Variants in FLT3LG observed in about 807,000 individuals in gnomAD.
FLT3LG encodes the protein fms-related tyrosine kinase 3 ligand.
A neutral mutation model predicts 30.9 loss-of-function variants in FLT3LG; 8 were observed. The ratio of observed to expected loss-of-function variants is 0.26; its 90% CI spans 0.15 to 0.47. The LOEUF is 0.47. Ranked by LOEUF, FLT3LG falls within the 20% of genes least tolerant of loss-of-function variation. FLT3LG has a pLI of 0.99. For missense variants in FLT3LG, 278 were observed against 306.2 expected, an observed-to-expected ratio of 0.91 and a Z score of 0.69; for synonymous variants, 123 against 135.9, an observed-to-expected ratio of 0.91 and a Z score of 0.66.
At chr19:49,484,538 C>A (rs910498540) in intron 8 of FLT3LG, among the ~76,000 whole-genome samples, 4 of 151,818 alleles carry the variant, frequency 2.6e-5, no homozygotes, top group Non-Finnish European at 4.4e-5. Context: ...ACTCTATTGC[C>A]CAGGCTGGAG....
At chr19:49,479,498 C>CTTTT (rs1177717575) in intron 6 of FLT3LG, among the ~76,000 whole-genome samples, 11 of 96,052 alleles carry the variant, frequency 1.1e-4, no homozygotes, top group Admixed American at 2.2e-4. Context: ...CCCAGCCTAC[C>CTTTT]TTTTTTTTTT....
chr19:49,479,251 GT>G (rs1392028748), intron 6 of FLT3LG, among the ~76,000 whole-genome samples: 37 of 149,234 alleles, frequency 2.5e-4, no homozygotes, highest in African/African-American at 9.0e-4. Flanking sequence ...CTGGAGTGCA[GT>G]GGCGTGATCT....
At position 49,476,270 on chromosome 19, in the gene FLT3LG, G is replaced by A; in HGVS notation, c.198+72G>A. ...CTCAAGATGCTCCACCGAGGCGAGT[G>A]GATAACCAGGCCCTCCCCTCCCCAA... On this transcript the variant is annotated intron_variant, in intron 4 of 8. Transcript: ENST00000597551. The surrounding 1 kb of genome is among the most constrained non-coding windows in gnomAD (Gnocchi z 5.3). 2 of 1,461,550 alleles carry A rather than the reference G, an allele frequency of 1.4e-6. No homozygotes were observed. The highest frequency in any genetic ancestry group is 1.9e-6 in the Non-Finnish European group (2 of 1,048,142). The allele number at this position is 1,461,550 out of a possible 1,614,324, so 90.5% of individuals were successfully genotyped here. A position where few individuals can be genotyped will look rare whatever the true frequency, so the allele number is the denominator to read the frequency against.
At chr19:49,480,096 G>A (rs572496711) in intron 6 of FLT3LG, among the ~76,000 whole-genome samples, 2 of 152,282 alleles carry the variant, frequency 1.3e-5, no homozygotes, top group African/African-American at 4.8e-5. Context: ...GAGCCACCGC[G>A]CTCAGCCTAT....
chr19:49,483,977 C>T (rs946526917), intron 8 of FLT3LG, among the ~76,000 whole-genome samples: 10 of 151,232 alleles, frequency 6.6e-5, no homozygotes, highest in South Asian at 4.2e-4. Flanking sequence ...CTCCGCCTCC[C>T]GGGTTCAAGT....
chr19:49,475,667 C>A, intron 2 of FLT3LG, 24 bp from the exon 3 acceptor site: 1 of 1,598,956 alleles, frequency 6.3e-7, no homozygotes, highest in Non-Finnish European at 8.5e-7. Context: ...GCAGAGGGCT[C>A]CCCCAGCACC....
chr19:49,477,825 A>AG (rs1480571710), intron 5 of FLT3LG, among the ~76,000 whole-genome samples: 1 of 151,600 alleles, frequency 6.6e-6, no homozygotes, highest in East Asian at 2.0e-4. Context: ...AGGCGGGCAG[A>AG]TCACGAGGTC....
At chr19:49,477,089 C>G (rs1335663488) in intron 5 of FLT3LG, among the ~76,000 whole-genome samples, 1 of 152,032 alleles carries the variant, frequency 6.6e-6, no homozygotes, top group Non-Finnish European at 1.5e-5. Context: ...CATGCCACTG[C>G]ACTCCAGCCT....
Position 49,476,325 on chromosome 19 carries a change from T to A in FLT3LG, c.199-98T>A. 1 of 1,471,148 alleles carries A rather than the reference T, an allele frequency of 6.8e-7. No individual in the cohort carries two copies. The highest frequency in any genetic ancestry group is 9.4e-7 in the Non-Finnish European group (1 of 1,061,670). The allele number at this position is 1,471,148 out of a possible 1,614,324, so 91.1% of individuals were successfully genotyped here. ...AGGAATCAGAGTCCTCAGCCCCTCC[T>A]CCCTCAGACCCAGGAGCCCCGGCCC... On this transcript the variant is annotated intron_variant, in intron 4 of 8. Transcript: ENST00000597551. The surrounding 1 kb of genome is among the most constrained non-coding windows in gnomAD (Gnocchi z 5.3).
Position 49,476,524 on chromosome 19 carries a change from C to G in FLT3LG, c.300C>G (p.Arg100=), listed in dbSNP as rs777599465. Residue 100 remains arginine (R), a synonymous_variant, in exon 5 of 9, where the codon CGC becomes CGG. Transcript: ENST00000597551. The surrounding 1 kb of genome is among the most constrained non-coding windows in gnomAD (Gnocchi z 5.3). ...CCAAGATGCAAGGCTTGCTGGAGCG[C>G]GTGAACACGGAGATACACTTTGTCA... ...AGSKMQGLLE[R]VNTEIHFVTK... 10 of 1,614,182 alleles carry G rather than the reference C, an allele frequency of 6.2e-6. No homozygotes were observed. The African/African-American group carries it at 9.3e-5, about 15-fold the overall frequency.
intron 5 of FLT3LG, among the ~76,000 whole-genome samples, chr19:49,477,165 G>T (rs142186407): frequency 0.022 from 3,348 of 152,176 alleles, 129 homozygotes; most frequent in African/African-American, 0.076. Flanking sequence ...TGAGGGCTGG[G>T]TGCAGTGGCT....
At chr19:49,475,588 G>T in intron 2 of FLT3LG, 103 bp from the exon 3 acceptor site, 1 of 1,427,658 alleles carries the variant, frequency 7.0e-7, no homozygotes, top group East Asian at 2.5e-5. Context: ...GGACACCCAG[G>T]GAAGGAGGAG....
At chr19:49,478,242 C>T (rs528935508) in intron 5 of FLT3LG, among the ~76,000 whole-genome samples, 29 of 151,650 alleles carry the variant, frequency 1.9e-4, no homozygotes, top group Admixed American at 1.4e-3. Context: ...CCGAGGCGGG[C>T]GGATCACAAG....
At position 49,479,005 on chromosome 19, in the gene FLT3LG, C is replaced by A; in HGVS notation, c.439C>A (p.Arg147Ser). ...QLVALKPWITRQNFSRCLELQ... is the reference protein window; with the variant it reads ...QLVALKPWITSQNFSRCLELQ... ...GGTGGCGCTGAAGCCCTGGATCACT[C>A]GCCAGAACTTCTCCCGGTGCCTGGA... The change falls in exon 6 of 9, where the codon CGC becomes AGC. Residue 147 changes from arginine (R) to serine (S), a missense_variant. Around this residue, in one of 3 missense-constraint regions of FLT3LG, gnomAD observed 170 missense variants for 162.0 expected, o/e 1.05. Transcript: ENST00000597551. 6.2e-7 allele frequency: 1 copy of A among 1,607,210 alleles called. No homozygotes were observed. Among genetic ancestry groups the A allele is most frequent in the Non-Finnish European group, 8.5e-7 (1 of 1,176,930 alleles).
intron 8 of FLT3LG, among the ~76,000 whole-genome samples, chr19:49,483,727 CA>C (rs1555804994): frequency 6.6e-6 from 1 of 151,080 alleles, no homozygotes; most frequent in Non-Finnish European, 1.5e-5. Context: ...GTCTCAAAAA[CA>C]AAAAAACCAC....
intron 8 of FLT3LG, chr19:49,481,500 A>G (rs1426212911): frequency 1.3e-5 from 2 of 153,092 alleles, no homozygotes; most frequent in Non-Finnish European, 2.9e-5. Context: ...GCAAGGAGCC[A>G]TGGGAGGTGT....
chr19:49,476,058 T>A lies in FLT3LG; in HGVS notation c.145-87T>A. On this transcript the variant is annotated intron_variant, in intron 3 of 8. Transcript: ENST00000597551. The surrounding 1 kb of genome is among the most constrained non-coding windows in gnomAD (Gnocchi z 5.3). ...CCCCTCTCTTGGTCTTGTCCCTCTC[T>A]CTCTGGATCTCTGCTGCCACCTCTG... 1 of 1,453,484 alleles carries A rather than the reference T, an allele frequency of 6.9e-7. No homozygotes were observed. Among genetic ancestry groups the A allele is most frequent in the East Asian group, 2.3e-5 (1 of 44,134 alleles). 90.0% of individuals were successfully genotyped at this position (1,453,484 alleles called of 1,614,324 possible).
chr19:49,474,413 C>G, intron 1 of FLT3LG, 132 bp downstream of exon 1: 2 of 602,020 alleles, frequency 3.3e-6, no homozygotes, highest in Non-Finnish European at 6.0e-6. Context: ...GGGGACCAGA[C>G]GTCGAGGTTC....
intron 5 of FLT3LG, among the ~76,000 whole-genome samples, chr19:49,477,129 AAAAC>A (rs973954146): frequency 6.6e-5 from 10 of 151,456 alleles, no homozygotes; most frequent in African/African-American, 9.7e-5. Context: ...TCTCAAAAAC[AAAAC>A]AAACAAACAA....
Sources: allele counts gnomAD v4.1 joint callset (sites outside exome capture counted in the v4.1 genomes callset), GRCh38; gene constraint gnomAD v4.1.1; regional missense constraint gnomAD v4.1.1; non-coding constraint Gnocchi (gnomAD v3.1); transcripts MANE v1.5; gene names NCBI Gene and HGNC (gene_info 2026-07-23, HGNC 2026-07-21).